The following CDH13 variants were observed in gnomAD, a reference collection of about 807,000 sequenced individuals.
CDH13 encodes cadherin-13.
CDH13 carries 24 observed loss-of-function variants against 63.8 expected under a neutral mutation model. That is an observed-to-expected ratio of 0.38 (90% CI 0.27 to 0.53). CDH13 has a LOEUF of 0.53. CDH13 is among the 20% of genes least tolerant of loss of function. The pLI is 0.85. For missense variants in CDH13, 1,049 were observed against 903.1 expected (o/e 1.16, Z -2.07); for synonymous variants, 503 against 355.3 (o/e 1.42, Z -4.67).
At chr16:83,294,343 A>G (rs1008367968) in intron 5 of CDH13, among the ~76,000 whole-genome samples, 1 of 152,092 alleles carries the variant, frequency 6.6e-6, no homozygotes, top group East Asian at 1.9e-4. Context: ...TATTTTTCCT[A>G]TCCAATTGAA....
Position 83,298,774 on chromosome 16 carries a change from A to C in CDH13, c.637-46088A>C, listed in dbSNP as rs1175957064. ...CCTCAGTATGCCTGCTTCACTGAGC[A>C]TTACATGAGACTGTTCCAGCTCTGT... On this transcript the variant is annotated intron_variant, in intron 5 of 13. Coordinates refer to ENST00000567109, the MANE Select transcript of CDH13 (RefSeq NM_001257.5). Among the ~76,000 whole-genome samples the C allele has an allele frequency of 2.0e-5, 3 of 152,352 alleles. No homozygotes were observed. In the South Asian group the frequency reaches 6.2e-4, roughly 32 times the overall value.
chr16:83,084,140 C>A (rs1008169932), intron 3 of CDH13, among the ~76,000 whole-genome samples: 1 of 152,150 alleles, frequency 6.6e-6, no homozygotes, highest in African/African-American at 2.4e-5. Context: ...GCTCTTCACA[C>A]CCAATAAATT....
intron 5 of CDH13, among the ~76,000 whole-genome samples, chr16:83,268,629 C>A (rs2088698372): frequency 6.6e-6 from 1 of 152,180 alleles, no homozygotes; most frequent in Non-Finnish European, 1.5e-5. Flanking sequence ...AAGTGAAATG[C>A]ACATTTCAAT....
intron 4 of CDH13, among the ~76,000 whole-genome samples, chr16:83,168,924 T>A (rs1175975919): frequency 1.3e-5 from 2 of 152,144 alleles, no homozygotes; most frequent in African/African-American, 4.8e-5. Flanking sequence ...TTTTGGTTAT[T>A]CTGTTTCCCA....
chr16:82,744,503 T>A (rs2034072111), intron 1 of CDH13, among the ~76,000 whole-genome samples: 1 of 152,080 alleles, frequency 6.6e-6, no homozygotes, highest in African/African-American at 2.4e-5. Context: ...TATCTATACG[T>A]CTTACTTCTC....
intron 10 of CDH13, among the ~76,000 whole-genome samples, chr16:83,727,465 G>A (rs1039262787): frequency 1.3e-5 from 2 of 151,524 alleles, no homozygotes; most frequent in South Asian, 2.1e-4. Context: ...GATTCTCCCA[G>A]CACATCTTCT....
In CDH13 at chr16:83,036,667, G is replaced by A. The variant is rs570110430; in HGVS notation, c.366+4449G>A. Reference sequence around the variant, plus strand: ...ACTCCTGTGGCTGCCTGTAAATTCTGACCCTTGATATCTGGCTCCCACTCT... The same window carrying A: ...ACTCCTGTGGCTGCCTGTAAATTCTAACCCTTGATATCTGGCTCCCACTCT... On this transcript the variant is annotated intron_variant, in intron 3 of 13. Coordinates refer to ENST00000567109, the MANE Select transcript of CDH13 (RefSeq NM_001257.5). Among the ~76,000 whole-genome samples, 31 of 152,174 alleles carry A rather than the reference G, an allele frequency of 2.0e-4. No homozygotes were observed. In the Middle Eastern group the frequency reaches 0.01, roughly 50 times the overall value.
chr16:83,514,800 C>T (rs2074663985), intron 7 of CDH13, among the ~76,000 whole-genome samples: 2 of 152,148 alleles, frequency 1.3e-5, no homozygotes, highest in South Asian at 4.1e-4. Flanking sequence ...AGGATAGAGG[C>T]CGGGAACAGA....
chr16:82,926,412 G>T (rs1335271843), intron 2 of CDH13, among the ~76,000 whole-genome samples: 1 of 152,194 alleles, frequency 6.6e-6, no homozygotes, highest in Non-Finnish European at 1.5e-5. Context: ...GAGATCCTGA[G>T]TTGGAACACT....
intron 1 of CDH13, among the ~76,000 whole-genome samples, chr16:82,783,728 A>G (rs1391698619): frequency 6.6e-6 from 1 of 152,126 alleles, no homozygotes; most frequent in African/African-American, 2.4e-5. Context: ...CTCCCTTCCG[A>G]GGCAAGGGCT....
chr16:83,277,267 T>C (rs557953672), intron 5 of CDH13, among the ~76,000 whole-genome samples: 18 of 152,300 alleles, frequency 1.2e-4, no homozygotes, highest in African/African-American at 3.4e-4. Flanking sequence ...TCTACAAATA[T>C]GTTTTCACCT....
intron 8 of CDH13, among the ~76,000 whole-genome samples, chr16:83,608,596 C>T (rs1908566665): frequency 6.6e-6 from 1 of 152,120 alleles, no homozygotes; most frequent in African/African-American, 2.4e-5. Context: ...GTCAGTCCTC[C>T]TGCCTCAGCC....
intron 7 of CDH13, among the ~76,000 whole-genome samples, chr16:83,493,041 G>C (rs1009932741): frequency 6.6e-6 from 1 of 151,736 alleles, no homozygotes; most frequent in East Asian, 1.9e-4. Flanking sequence ...TTTTTTGTTT[G>C]TTTGTCAGTT....
At chr16:83,590,794 A>C (rs1906659975) in intron 7 of CDH13, among the ~76,000 whole-genome samples, 1 of 152,122 alleles carries the variant, frequency 6.6e-6, no homozygotes, top group Non-Finnish European at 1.5e-5. Context: ...CAGCGTCTCC[A>C]AGAAACTTGT....
rs182278631 is a variant in CDH13 at position 83,550,970 on chromosome 16, C to T, written c.961-51484C>T. Among the ~76,000 whole-genome samples the T allele has an allele frequency of 1.1e-3, 166 of 152,284 alleles. 2 individuals carry two copies. The highest frequency in any genetic ancestry group is 0.01 in the Middle Eastern group (3 of 294). Reference sequence around the variant, plus strand: ...CTAACATTTCTCCCTTGTCTTCTTTCTCTGAAGCCAATTTGCATCTCCCAA... The same window carrying T: ...CTAACATTTCTCCCTTGTCTTCTTTTTCTGAAGCCAATTTGCATCTCCCAA... On this transcript the variant is annotated intron_variant, in intron 7 of 13. Transcript: ENST00000567109.
At chr16:83,238,680 C>G (rs1024558615) in intron 5 of CDH13, among the ~76,000 whole-genome samples, 2 of 152,178 alleles carry the variant, frequency 1.3e-5, no homozygotes, top group Admixed American at 6.5e-5. Flanking sequence ...TCTTTCATCT[C>G]AGGCACCTAA....
chr16:83,594,746 A>G (rs1907097273), intron 7 of CDH13, among the ~76,000 whole-genome samples: 1 of 152,188 alleles, frequency 6.6e-6, no homozygotes, highest in South Asian at 2.1e-4. Flanking sequence ...AGCTACCACT[A>G]TGCTTGTTAT....
intron 11 of CDH13, among the ~76,000 whole-genome samples, chr16:83,751,647 G>A (rs569582838): frequency 1.3e-5 from 2 of 152,168 alleles, no homozygotes. Flanking sequence ...ACCATAGCAG[G>A]TATCTTAGTT....
chr16:82,948,674 C>G (rs1022723454), intron 2 of CDH13, among the ~76,000 whole-genome samples: 5 of 152,184 alleles, frequency 3.3e-5, no homozygotes, highest in South Asian at 2.1e-4. Context: ...CTACTAGTCA[C>G]TTTCAAAATG....
Sources: allele counts gnomAD v4.1 joint callset (sites outside exome capture counted in the v4.1 genomes callset), GRCh38; gene constraint gnomAD v4.1.1; transcripts MANE v1.5; gene names NCBI Gene and HGNC (gene_info 2026-07-23, HGNC 2026-07-21).